KCND2: variants seen among roughly 807,000 people sequenced by gnomAD.
KCND2 encodes the protein A-type voltage-gated potassium channel KCND2.
KCND2 carries 16 observed loss-of-function variants against 54.4 expected under a neutral mutation model. The ratio of observed to expected loss-of-function variants is 0.29; its 90% CI spans 0.20 to 0.45. The LOEUF (loss-of-function observed/expected upper bound fraction) is 0.45. Among genes scored for constraint, KCND2 ranks in the 20% least tolerant of loss-of-function variants. KCND2 has a pLI of 1.00. For synonymous variants in KCND2, 317 were observed against 310.7 expected (o/e 1.02, Z -0.21); for missense variants, 486 against 824.2 (o/e 0.59, Z 5.02).
chr7:120,610,661 A>C (rs959435245), intron 1 of KCND2, among the ~76,000 whole-genome samples: 5 of 152,054 alleles, frequency 3.3e-5, no homozygotes, highest in African/African-American at 1.2e-4. Context: ...CCCCAAATAA[A>C]CACGAGATAG....
chr7:120,722,043 T>G (rs925140043), intron 1 of KCND2, among the ~76,000 whole-genome samples: 1 of 152,212 alleles, frequency 6.6e-6, no homozygotes, highest in Non-Finnish European at 1.5e-5. Flanking sequence ...TCCATGATTG[T>G]GAGTCTTCTC....
rs530435499 is a variant in KCND2 at position 120,590,101 on chromosome 7, A to C, written c.1116-142802A>C. Among the ~76,000 whole-genome samples, 5 of 152,202 alleles carry C rather than the reference A, an allele frequency of 3.3e-5. No homozygotes were observed. The South Asian group carries it at 1.0e-3, about 32-fold the overall frequency. ...GGCGAACTCGATCTCGGCTCACTGC[A>C]ACCTCCGTTTCCCAGGTTCAAGCAA... On this transcript the variant is annotated intron_variant, in intron 1 of 5. Coordinates refer to ENST00000331113, the MANE Select transcript of KCND2 (RefSeq NM_012281.3).
At chr7:120,473,796 A>G (rs1220201869) in intron 1 of KCND2, among the ~76,000 whole-genome samples, 1 of 152,192 alleles carries the variant, frequency 6.6e-6, no homozygotes, top group Non-Finnish European at 1.5e-5. Flanking sequence ...AATATTCACT[A>G]TGTTAGATAT....
At chr7:120,672,168 A>G (rs1792000749) in intron 1 of KCND2, among the ~76,000 whole-genome samples, 1 of 152,098 alleles carries the variant, frequency 6.6e-6, no homozygotes, top group Admixed American at 6.5e-5. Flanking sequence ...AATAATGTAG[A>G]CATCTGCTTA....
At chr7:120,729,719 A>C (rs117985420) in intron 1 of KCND2, among the ~76,000 whole-genome samples, 1 of 152,162 alleles carries the variant, frequency 6.6e-6, no homozygotes, top group Non-Finnish European at 1.5e-5. Context: ...TTCTCACCAT[A>C]ATCATTGCAG....
chr7:120,721,140 G>T (rs1792660565), intron 1 of KCND2, among the ~76,000 whole-genome samples: 1 of 152,084 alleles, frequency 6.6e-6, no homozygotes, highest in Non-Finnish European at 1.5e-5. Flanking sequence ...GTTTAAGCAG[G>T]TGTACTTTTT....
chr7:120,663,636 T>C (rs527514953), intron 1 of KCND2, among the ~76,000 whole-genome samples: 2 of 152,310 alleles, frequency 1.3e-5, no homozygotes, highest in African/African-American at 4.8e-5. Context: ...TCTATATTTA[T>C]AGTTCTTATT....
intron 1 of KCND2, among the ~76,000 whole-genome samples, chr7:120,281,482 CT>C (rs747354540): frequency 6.0e-5 from 9 of 151,236 alleles, no homozygotes; most frequent in Non-Finnish European, 8.8e-5. Context: ...ATTTGCACTG[CT>C]CTTTGAATGT....
chr7:120,299,863 G>A (rs1016162323), intron 1 of KCND2, among the ~76,000 whole-genome samples: 1 of 152,180 alleles, frequency 6.6e-6, no homozygotes, highest in Non-Finnish European at 1.5e-5. Flanking sequence ...TGATCCAGAG[G>A]TTTTTGACAG....
At chr7:120,482,101 C>G (rs763786169) in intron 1 of KCND2, among the ~76,000 whole-genome samples, 43 of 152,166 alleles carry the variant, frequency 2.8e-4, no homozygotes, top group Non-Finnish European at 2.6e-4. Context: ...TCCAGCTCCA[C>G]TGTATCCAGG....
At chr7:120,595,609 A>ATATATATATG (rs1251801793) in intron 1 of KCND2, among the ~76,000 whole-genome samples, 2 of 145,918 alleles carry the variant, frequency 1.4e-5, no homozygotes, top group Admixed American at 1.4e-4. Flanking sequence ...ATATATATAT[A>ATATATATATG]TATACACCAG....
At chr7:120,536,701 G>C (rs566762019) in intron 1 of KCND2, among the ~76,000 whole-genome samples, 1 of 152,002 alleles carries the variant, frequency 6.6e-6, no homozygotes, top group Non-Finnish European at 1.5e-5. Flanking sequence ...GCCATCCTTC[G>C]ATCACAGGAT....
intron 1 of KCND2, among the ~76,000 whole-genome samples, chr7:120,670,081 A>G (rs1037600686): frequency 1.3e-5 from 2 of 152,100 alleles, no homozygotes; most frequent in African/African-American, 2.4e-5. Context: ...GGGGTGAACT[A>G]AAATCTCAGA....
chr7:120,676,082 C>T (rs1451064906), intron 1 of KCND2, among the ~76,000 whole-genome samples: 1 of 152,072 alleles, frequency 6.6e-6, no homozygotes, highest in South Asian at 2.1e-4. Flanking sequence ...AAGTGATCTG[C>T]CTGCCTCAGC....
intron 1 of KCND2, among the ~76,000 whole-genome samples, chr7:120,656,663 T>C (rs1219891352): frequency 6.6e-6 from 1 of 152,246 alleles, no homozygotes; most frequent in Non-Finnish European, 1.5e-5. Flanking sequence ...TATGGTTCCC[T>C]TTTCATAAAT....
chr7:120,355,037 G>A (rs1800478815), intron 1 of KCND2, among the ~76,000 whole-genome samples: 1 of 152,146 alleles, frequency 6.6e-6, no homozygotes, highest in Admixed American at 6.5e-5. Flanking sequence ...AGACTATGAA[G>A]AAATGACCCT....
At chr7:120,637,628 G>A (rs1421030026) in intron 1 of KCND2, among the ~76,000 whole-genome samples, 1 of 152,022 alleles carries the variant, frequency 6.6e-6, no homozygotes, top group Admixed American at 6.6e-5. Flanking sequence ...AGCCATTCCA[G>A]TGCCTATTCT....
intron 2 of KCND2, among the ~76,000 whole-genome samples, chr7:120,736,187 T>A (rs894590999): frequency 6.6e-6 from 1 of 152,140 alleles, no homozygotes; most frequent in African/African-American, 2.4e-5. Flanking sequence ...GACACAATAT[T>A]AATTTTAGAA....
Position 120,275,520 on chromosome 7 carries a change from G to A in KCND2, c.888G>A (p.Arg296=). 6.2e-7 allele frequency: 1 copy of A among 1,612,046 alleles called. No individual in the cohort carries two copies. The highest frequency in any genetic ancestry group is 8.5e-7 in the Non-Finnish European group (1 of 1,178,838). Residue 296 remains arginine (R), a synonymous_variant, in exon 1 of 6, where the codon CGG becomes CGA. Transcript: ENST00000331113. Reference sequence around the variant, plus strand: ...CCTTTGTCACACTCCGAGTCTTCCGGGTCTTCAGGATCTTTAAGTTTTCCC... The same window carrying A: ...CCTTTGTCACACTCCGAGTCTTCCGAGTCTTCAGGATCTTTAAGTTTTCCC... ...SGAFVTLRVF[R]VFRIFKFSRH...
Sources: allele counts gnomAD v4.1 joint callset (sites outside exome capture counted in the v4.1 genomes callset), GRCh38; gene constraint gnomAD v4.1.1; transcripts MANE v1.5; gene names NCBI Gene and HGNC (gene_info 2026-07-23, HGNC 2026-07-21).